AK5: variants seen among roughly 807,000 people sequenced by gnomAD.
AK5 encodes the protein adenylate kinase 5.
AK5 carries 27 observed loss-of-function variants against 69.5 expected under a neutral mutation model. That is an observed-to-expected ratio of 0.39 (90% CI 0.29 to 0.54). The LOEUF is 0.54. Among genes scored for constraint, AK5 ranks in the 20% least tolerant of loss-of-function variants. AK5 has a pLI of 0.71. For synonymous variants in AK5, 260 were observed against 244.4 expected, an observed-to-expected ratio of 1.06 and a Z score of -0.60; for missense variants, 531 against 700.4, an observed-to-expected ratio of 0.76 and a Z score of 2.73.
At chr1:77,542,954 T>C (rs1030248357) in intron 13 of AK5, among the ~76,000 whole-genome samples, 1 of 151,736 alleles carries the variant, frequency 6.6e-6, no homozygotes, top group Non-Finnish European at 1.5e-5. Flanking sequence ...TAAACATGAG[T>C]TTTGCAGACA....
At chr1:77,294,606 C>T (rs763567358) in intron 3 of AK5, among the ~76,000 whole-genome samples, 9 of 151,904 alleles carry the variant, frequency 5.9e-5, no homozygotes, top group Admixed American at 2.0e-4. Flanking sequence ...ACAAACAAAT[C>T]TAATAGAATA....
In AK5 at chr1:77,501,811, A is replaced by G. The variant is rs182900032; in HGVS notation, c.1147+15459A>G. Reference sequence around the variant, plus strand: ...GCCCTTGTCTTCTAGTCTTCTCCAAAGAAGAAAGAATCCTGAACTAAAATA... The same window carrying G: ...GCCCTTGTCTTCTAGTCTTCTCCAAGGAAGAAAGAATCCTGAACTAAAATA... On this transcript the variant is annotated intron_variant, in intron 10 of 13. Transcript: ENST00000354567. Among the ~76,000 whole-genome samples, 6 of 152,306 alleles carry G rather than the reference A, an allele frequency of 3.9e-5. No homozygotes were observed. In the East Asian group the frequency reaches 1.2e-3, roughly 29 times the overall value.
intron 8 of AK5, among the ~76,000 whole-genome samples, chr1:77,442,855 A>G (rs1352826932): frequency 6.6e-6 from 1 of 152,136 alleles, no homozygotes; most frequent in South Asian, 2.1e-4. Context: ...TGCTTGGCAG[A>G]TGTCCTCCCA....
chr1:77,470,735 G>A lies in AK5; in HGVS notation c.1060-12582G>A, dbSNP rs566110384. On this transcript the variant is annotated intron_variant, in intron 8 of 13. Coordinates refer to ENST00000354567, the MANE Select transcript of AK5 (RefSeq NM_174858.3). ...ATTCCAACAAAGTTTTGAATTTATA[G>A]GCAAAAAACACCTTATGAGCACAAA... Among the ~76,000 whole-genome samples the A allele has an allele frequency of 7.2e-4, 107 of 149,254 alleles. 1 individual carries two copies. The highest frequency in any genetic ancestry group is 2.6e-3 in the African/African-American group (106 of 40,544).
intron 8 of AK5, among the ~76,000 whole-genome samples, chr1:77,443,966 C>T (rs1227658696): frequency 1.3e-5 from 2 of 151,204 alleles, no homozygotes; most frequent in Non-Finnish European, 2.9e-5. Context: ...CTATAAGATA[C>T]TTATTTAGAA....
chr1:77,543,881 G>A (rs1445454876), intron 13 of AK5, among the ~76,000 whole-genome samples: 1 of 151,944 alleles, frequency 6.6e-6, no homozygotes, highest in Non-Finnish European at 1.5e-5. Context: ...GCAGAACTTT[G>A]GATACAGAGA....
chr1:77,346,436 C>T (rs958998135), intron 6 of AK5, among the ~76,000 whole-genome samples: 1 of 152,094 alleles, frequency 6.6e-6, no homozygotes, highest in Non-Finnish European at 1.5e-5. Flanking sequence ...TAATTATCAC[C>T]AACTCCACTT....
chr1:77,320,770 A>G (rs1029324255), intron 5 of AK5, among the ~76,000 whole-genome samples: 2 of 152,188 alleles, frequency 1.3e-5, no homozygotes, highest in African/African-American at 4.8e-5. Flanking sequence ...TATACCATGA[A>G]AACACTACAC....
chr1:77,339,644 C>CT (rs34298832), intron 5 of AK5, among the ~76,000 whole-genome samples: 2,369 of 123,120 alleles, frequency 0.019, 80 homozygotes, highest in African/African-American at 0.065. Context: ...TTAGCAATAT[C>CT]TTTTTTTTTT....
chr1:77,368,349 A>G (rs1262156172), intron 6 of AK5, among the ~76,000 whole-genome samples: 1 of 129,668 alleles, frequency 7.7e-6, no homozygotes, highest in Non-Finnish European at 1.6e-5. Flanking sequence ...TTATATATAT[A>G]TGTTGTGTAT....
chr1:77,404,655 G>A (rs927842433), intron 6 of AK5, among the ~76,000 whole-genome samples: 1 of 152,132 alleles, frequency 6.6e-6, no homozygotes, highest in African/African-American at 2.4e-5. Flanking sequence ...GAAGTGAAAT[G>A]TTGTAGAAAA....
At chr1:77,295,230 A>C (rs1658924738) in intron 3 of AK5, among the ~76,000 whole-genome samples, 1 of 152,218 alleles carries the variant, frequency 6.6e-6, no homozygotes, top group African/African-American at 2.4e-5. Context: ...AAATTTATGG[A>C]GACCCCATGC....
intron 8 of AK5, among the ~76,000 whole-genome samples, chr1:77,462,995 A>T (rs1475682099): frequency 6.6e-6 from 1 of 152,206 alleles, no homozygotes; most frequent in Non-Finnish European, 1.5e-5. Context: ...GCAATTTAGT[A>T]CCAAATCTTT....
intron 9 of AK5, among the ~76,000 whole-genome samples, chr1:77,484,696 T>TA (rs1400556347): frequency 6.6e-6 from 1 of 152,218 alleles, no homozygotes; most frequent in Non-Finnish European, 1.5e-5. Context: ...ACGTATAAAA[T>TA]AAGAGCCATT....
intron 8 of AK5, among the ~76,000 whole-genome samples, chr1:77,450,486 C>T (rs1653076213): frequency 6.6e-6 from 1 of 152,162 alleles, no homozygotes; most frequent in Admixed American, 6.5e-5. Context: ...TCAGAGTCAA[C>T]AGTTTTTATT....
At chr1:77,357,910 A>G (rs1328248436) in intron 6 of AK5, among the ~76,000 whole-genome samples, 4 of 151,920 alleles carry the variant, frequency 2.6e-5, no homozygotes, top group Non-Finnish European at 5.9e-5. Context: ...AGGAAAATGG[A>G]GTCTGTTTAC....
chr1:77,458,077 G>C (rs1653604997), intron 8 of AK5, among the ~76,000 whole-genome samples: 2 of 147,016 alleles, frequency 1.4e-5, no homozygotes, highest in African/African-American at 2.5e-5. Flanking sequence ...ACTCCAGCTT[G>C]AGAGGCAAGA....
intron 8 of AK5, among the ~76,000 whole-genome samples, chr1:77,445,644 G>A (rs962403581): frequency 6.6e-6 from 1 of 152,128 alleles, no homozygotes; most frequent in African/African-American, 2.4e-5. Flanking sequence ...GAGTGCAGTG[G>A]CATGATCTCA....
intron 6 of AK5, among the ~76,000 whole-genome samples, chr1:77,380,642 G>A (rs2100501117): frequency 1.3e-5 from 2 of 152,338 alleles, no homozygotes; most frequent in East Asian, 3.9e-4. Flanking sequence ...GTGCAAATAT[G>A]ACTAAGACAT....
Sources: allele counts gnomAD v4.1 joint callset (sites outside exome capture counted in the v4.1 genomes callset), GRCh38; gene constraint gnomAD v4.1.1; transcripts MANE v1.5; gene names NCBI Gene and HGNC (gene_info 2026-07-23, HGNC 2026-07-21).